NCKAP5: variants seen among roughly 807,000 people sequenced by gnomAD.
NCKAP5 encodes the protein nck-associated protein 5.
NCKAP5 carries 92 observed loss-of-function variants against 167.0 expected under a neutral mutation model. The ratio of observed to expected loss-of-function variants is 0.55; its 90% CI spans 0.47 to 0.66. The LOEUF (loss-of-function observed/expected upper bound fraction) is 0.66. NCKAP5 is among the 30% of genes least tolerant of loss of function. NCKAP5 has a pLI of 0.00. For synonymous variants in NCKAP5, 891 were observed against 877.4 expected (o/e 1.02, Z -0.27); for missense variants, 2,378 against 2,315.0 (o/e 1.03, Z -0.56).
intron 16 of NCKAP5, among the ~76,000 whole-genome samples, chr2:132,764,819 G>A (rs566131786): frequency 3.5e-4 from 54 of 152,272 alleles, no homozygotes; most frequent in African/African-American, 1.2e-3. Context: ...GCAGCCTTCC[G>A]CTCAAAAAGC....
At chr2:133,339,648 A>G (rs1169577989) in intron 3 of NCKAP5, among the ~76,000 whole-genome samples, 2 of 152,200 alleles carry the variant, frequency 1.3e-5, no homozygotes, top group African/African-American at 4.8e-5. Context: ...GGGAAAAAAT[A>G]ATTAAGAAAA....
rs1244489823 is a variant in NCKAP5, at chr2:132,699,819, A to AT, written c.5713+25807dup. Among the ~76,000 whole-genome samples the AT allele has an allele frequency of 4.6e-5, 7 of 152,308 alleles. No individual in the cohort carries two copies. In the East Asian group the frequency reaches 1.3e-3, roughly 29 times the overall value. ...GTGCATGTGTCTTTATAGCAGCATGATTTATAATCCTTTGGGTATATACCC... is the reference window on the plus strand; with the variant it reads ...GTGCATGTGTCTTTATAGCAGCATGATTTTATAATCCTTTGGGTATATACCC... On this transcript the variant is annotated intron_variant, in intron 19 of 19. Transcript: ENST00000409261.
intron 12 of NCKAP5, among the ~76,000 whole-genome samples, chr2:132,791,274 A>G (rs1039781770): frequency 5.3e-5 from 8 of 152,186 alleles, no homozygotes; most frequent in Non-Finnish European, 1.5e-5. Flanking sequence ...ATGAGCCTCC[A>G]CTGTAAATAT....
intron 4 of NCKAP5, among the ~76,000 whole-genome samples, chr2:133,261,763 C>T (rs1032840306): frequency 3.3e-5 from 5 of 152,214 alleles, no homozygotes; most frequent in Non-Finnish European, 7.3e-5. Flanking sequence ...CATCTTCCAT[C>T]ATACTTGCGG....
the NCKAP5 span, among the ~76,000 whole-genome samples, chr2:133,624,692 A>G: frequency 1.3e-5 from 2 of 152,096 alleles, no homozygotes; most frequent in Non-Finnish European, 2.9e-5. Flanking sequence ...ATTCATTTGC[A>G]CTCCCTTCAG....
intron 5 of NCKAP5, among the ~76,000 whole-genome samples, chr2:133,170,286 T>C (rs1259993360): frequency 6.6e-6 from 1 of 152,132 alleles, no homozygotes; most frequent in Non-Finnish European, 1.5e-5. Flanking sequence ...CAGCTCTGCA[T>C]CTTCCTAGCT....
intron 4 of NCKAP5, among the ~76,000 whole-genome samples, chr2:133,238,763 G>A (rs1006780644): frequency 2.7e-4 from 41 of 152,262 alleles, no homozygotes; most frequent in African/African-American, 9.9e-4. Flanking sequence ...CCACAGGTAG[G>A]TTTGAAAAAA....
chr2:133,045,959 T>C (rs1242771335), intron 6 of NCKAP5, among the ~76,000 whole-genome samples: 1 of 152,222 alleles, frequency 6.6e-6, no homozygotes, highest in African/African-American at 2.4e-5. Context: ...GATAAGCACG[T>C]GGCTATGCAA....
At chr2:133,607,259 A>G in the NCKAP5 span, among the ~76,000 whole-genome samples, 2 of 152,170 alleles carry the variant, frequency 1.3e-5, no homozygotes, top group African/African-American at 2.4e-5. Flanking sequence ...TAATTAAAAG[A>G]TTTACACCAT....
chr2:133,376,092 G>T (rs905543436), intron 3 of NCKAP5, among the ~76,000 whole-genome samples: 1 of 152,060 alleles, frequency 6.6e-6, no homozygotes, highest in Non-Finnish European at 1.5e-5. Flanking sequence ...ATCAGGCACA[G>T]GTACAATAAA....
intron 3 of NCKAP5, among the ~76,000 whole-genome samples, chr2:133,375,752 G>T (rs1461943047): frequency 2.0e-5 from 3 of 152,160 alleles, no homozygotes; most frequent in African/African-American, 4.8e-5. Flanking sequence ...CTCCATCCAT[G>T]TCCCTACAAA....
In NCKAP5 at chr2:133,004,446, G is replaced by T. The variant is rs568988702; in HGVS notation, c.342-10207C>A. 2.1e-4 allele frequency among the ~76,000 whole-genome samples: 32 copies of T among 152,248 alleles called. 1 individual carries two copies. In the South Asian group the frequency reaches 3.3e-3, roughly 16 times the overall value. ...AGAGAAATTTTACAGCTGGGCCTCT[G>T]GGGGTGGGCATCACATGTCGACAGG... On this transcript the variant is annotated intron_variant, in intron 6 of 19. Transcript: ENST00000409261.
rs1158129801 is a variant in NCKAP5, at chr2:133,137,104, T to G, written c.208-6993A>C. On this transcript the variant is annotated intron_variant, in intron 5 of 19. Coordinates refer to ENST00000409261, the MANE Select transcript of NCKAP5 (RefSeq NM_207363.3). ...TCTAAATTAAGCTATAGTTATTACA[T>G]CTAATTGTAGCCTTGTTTTTGTTTT... 3.1e-4 allele frequency among the ~76,000 whole-genome samples: 47 copies of G among 152,164 alleles called. 1 individual carries two copies. Among genetic ancestry groups the G allele is most frequent in the Admixed American group, 3.1e-3 (47 of 15,280 alleles).
At chr2:132,772,862 C>T (rs1303933659) in intron 16 of NCKAP5, among the ~76,000 whole-genome samples, 1 of 152,190 alleles carries the variant, frequency 6.6e-6, no homozygotes, top group East Asian at 1.9e-4. Context: ...AAATCAGCCA[C>T]AAAGTGTGCC....
At chr2:133,293,412 C>T (rs1037826143) in intron 4 of NCKAP5, among the ~76,000 whole-genome samples, 5 of 152,136 alleles carry the variant, frequency 3.3e-5, no homozygotes, top group Admixed American at 3.3e-4. Context: ...CCTAAGTAAA[C>T]TATAATGAAG....
intron 12 of NCKAP5, among the ~76,000 whole-genome samples, chr2:132,795,820 G>GAAAAAAAAAAA (rs55826486): frequency 1.2e-4 from 10 of 85,042 alleles, no homozygotes; most frequent in East Asian, 6.4e-4. Flanking sequence ...CCCCGTATCA[G>GAAAAAAAAAAA]AAAAAAAAAA....
intron 6 of NCKAP5, among the ~76,000 whole-genome samples, chr2:133,125,757 C>G (rs187118290): frequency 7.2e-5 from 11 of 152,218 alleles, no homozygotes; most frequent in Admixed American, 4.6e-4. Context: ...TGGTCTGAAC[C>G]AAGTTTGTTA....
chr2:133,583,769 T>A, the NCKAP5 span, among the ~76,000 whole-genome samples: 1 of 152,180 alleles, frequency 6.6e-6, no homozygotes, highest in African/African-American at 2.4e-5. Flanking sequence ...TTTTTCTTGT[T>A]TTGAGGTGGA....
intron 8 of NCKAP5, among the ~76,000 whole-genome samples, chr2:132,879,670 C>T (rs1691596880): frequency 6.6e-6 from 1 of 152,176 alleles, no homozygotes; most frequent in Non-Finnish European, 1.5e-5. Context: ...TTCAACTGTG[C>T]CAGTGAACCC....
Sources: allele counts gnomAD v4.1 joint callset (sites outside exome capture counted in the v4.1 genomes callset), GRCh38; gene constraint gnomAD v4.1.1; transcripts MANE v1.5; gene names NCBI Gene and HGNC (gene_info 2026-07-23, HGNC 2026-07-21).